Variants in CNTNAP3 observed in about 807,000 individuals in gnomAD.
CNTNAP3 encodes the protein contactin associated protein family member 3, also known as contactin-associated protein-like 3.
CNTNAP3 carries 36 observed loss-of-function variants against 92.1 expected under a neutral mutation model. That is an observed-to-expected ratio of 0.39 (90% CI 0.30 to 0.52). The LOEUF is 0.52. CNTNAP3 is among the 20% of genes least tolerant of loss of function. The pLI is 0.76. For synonymous variants in CNTNAP3, 232 were observed against 422.3 expected, an observed-to-expected ratio of 0.55 and a Z score of 5.53; for missense variants, 534 against 1,069.6, an observed-to-expected ratio of 0.50 and a Z score of 6.98.
chr9:39,135,440 C>G (rs1323923011), intron 12 of CNTNAP3, among the ~76,000 whole-genome samples: 2 of 151,916 alleles, frequency 1.3e-5, no homozygotes, highest in Non-Finnish European at 2.9e-5. Flanking sequence ...AGAGGTGTGG[C>G]TGAGTCTGAA....
intron 19 of CNTNAP3, among the ~76,000 whole-genome samples, chr9:39,087,517 C>T (rs1209015944): frequency 2.0e-5 from 3 of 151,622 alleles, no homozygotes; most frequent in East Asian, 1.9e-4. Context: ...GGTGGAGTCT[C>T]GCTCTGTCAC....
intron 18 of CNTNAP3, among the ~76,000 whole-genome samples, chr9:39,095,038 TAA>T (rs2118456208): frequency 7.1e-6 from 1 of 141,104 alleles, no homozygotes; most frequent in Non-Finnish European, 1.6e-5. Context: ...TTTCAATGTC[TAA>T]GTCTTTCACT....
At chr9:39,094,939 A>G (rs1826293050) in intron 18 of CNTNAP3, among the ~76,000 whole-genome samples, 1 of 151,576 alleles carries the variant, frequency 6.6e-6, no homozygotes, top group South Asian at 2.1e-4. Flanking sequence ...TGTCATTTTA[A>G]TAATCTTAAG....
chr9:39,076,726 T>C (rs552797157), intron 23 of CNTNAP3, among the ~76,000 whole-genome samples: 599 of 151,872 alleles, frequency 3.9e-3, no homozygotes, highest in African/African-American at 0.014. Context: ...CCTAGCACTT[T>C]GGGAGGCCAA....
chr9:39,067,150 T>C lies in CNTNAP3; in HGVS notation c.*6740A>G, dbSNP rs1176433759. On this transcript the variant is annotated 3_prime_UTR_variant, in exon 24 of 24. Coordinates refer to ENST00000297668, the MANE Select transcript of CNTNAP3 (RefSeq NM_033655.5). ...CTCATCTGCCATTAATTACATCCATTGTATTTTTTAATCTTATACATTAAC... is the reference window on the plus strand; with the variant it reads ...CTCATCTGCCATTAATTACATCCATCGTATTTTTTAATCTTATACATTAAC... Among the ~76,000 whole-genome samples the C allele has an allele frequency of 0.17, 24,460 of 145,568 alleles. 5 individuals carry two copies. Among genetic ancestry groups the C allele is most frequent in the East Asian group, 0.28 (1,378 of 4,854 alleles).
intron 13 of CNTNAP3, among the ~76,000 whole-genome samples, chr9:39,132,479 C>A (rs910923436): frequency 6.6e-6 from 1 of 151,992 alleles, no homozygotes. Context: ...GTGAAAGTGG[C>A]GGGGCTGAGG....
At chr9:39,137,643 G>A (rs1427735042) in intron 12 of CNTNAP3, among the ~76,000 whole-genome samples, 1 of 151,664 alleles carries the variant, frequency 6.6e-6, no homozygotes, top group Non-Finnish European at 1.5e-5. Context: ...CTCCCGAGTA[G>A]CTGGGACTAC....
chr9:39,105,034 A>G (rs980059971), intron 15 of CNTNAP3, among the ~76,000 whole-genome samples: 2 of 152,200 alleles, frequency 1.3e-5, no homozygotes, highest in African/African-American at 4.8e-5. Flanking sequence ...CAATATATTG[A>G]TGGCTCCTGA....
intron 15 of CNTNAP3, among the ~76,000 whole-genome samples, chr9:39,107,062 T>A (rs2117893499): frequency 6.6e-6 from 1 of 152,114 alleles, no homozygotes; most frequent in East Asian, 1.9e-4. Flanking sequence ...TGTGTCTGAT[T>A]GTGAAGAGAT....
chr9:39,141,789 C>A (rs1438155516), intron 11 of CNTNAP3, among the ~76,000 whole-genome samples: 1 of 152,048 alleles, frequency 6.6e-6, no homozygotes, highest in African/African-American at 2.4e-5. Flanking sequence ...AGGAAAGTGA[C>A]TAGAATTTGT....
intron 13 of CNTNAP3, among the ~76,000 whole-genome samples, chr9:39,121,422 C>T (rs956046628): frequency 1.3e-5 from 2 of 152,026 alleles, no homozygotes; most frequent in Non-Finnish European, 2.9e-5. Context: ...TCTGATATGA[C>T]GTTAAGAGTC....
chr9:39,089,643 T>G (rs1485755278), intron 18 of CNTNAP3, among the ~76,000 whole-genome samples: 1 of 152,176 alleles, frequency 6.6e-6, no homozygotes, highest in Non-Finnish European at 1.5e-5. Context: ...GCTGCCATAT[T>G]TTTTCCAAAA....
rs562968940 is a variant in CNTNAP3 at position 39,069,817 on chromosome 9, T to C, written c.*4073A>G. Reference sequence around the variant, plus strand: ...CCTGAGCTACATCCATTGGGAGTGATGTGAAGGAAGAGAAAAGCGTTGGAC... The same window carrying C: ...CCTGAGCTACATCCATTGGGAGTGACGTGAAGGAAGAGAAAAGCGTTGGAC... On this transcript the variant is annotated 3_prime_UTR_variant, in exon 24 of 24. Coordinates refer to ENST00000297668, the MANE Select transcript of CNTNAP3 (RefSeq NM_033655.5). Among the ~76,000 whole-genome samples, 33 of 151,992 alleles carry C rather than the reference T, an allele frequency of 2.2e-4. No homozygotes were observed. Among genetic ancestry groups the C allele is most frequent in the Middle Eastern group, 3.4e-3 (1 of 292 alleles).
intron 13 of CNTNAP3, among the ~76,000 whole-genome samples, chr9:39,119,975 T>C: frequency 6.6e-6 from 1 of 152,176 alleles, no homozygotes; most frequent in Non-Finnish European, 1.5e-5. Context: ...CATAGGGTCC[T>C]ATCAGACAAT....
chr9:39,100,495 A>G (rs1365081062), intron 17 of CNTNAP3, among the ~76,000 whole-genome samples: 1 of 152,112 alleles, frequency 6.6e-6, no homozygotes, highest in Non-Finnish European at 1.5e-5. Flanking sequence ...TTGTTTAGGA[A>G]TAAGAATGTG....
At chr9:39,149,564 G>A (rs1821790189) in intron 10 of CNTNAP3, among the ~76,000 whole-genome samples, 2 of 150,732 alleles carry the variant, frequency 1.3e-5, no homozygotes, top group South Asian at 4.2e-4. Flanking sequence ...CACCATGTTA[G>A]CCAGGATGAA....
At chr9:39,122,170 T>C (rs1164591613) in intron 13 of CNTNAP3, among the ~76,000 whole-genome samples, 3 of 151,930 alleles carry the variant, frequency 2.0e-5, no homozygotes, top group South Asian at 4.1e-4. Flanking sequence ...CTGGCTAACA[T>C]GGTGAAACCC....
intron 18 of CNTNAP3, 24 bp downstream of exon 18, chr9:39,099,887 A>G: frequency 6.2e-7 from 1 of 1,607,866 alleles, no homozygotes; most frequent in Non-Finnish European, 8.5e-7. Flanking sequence ...CTTTCCCTAT[A>G]ACCTGCTCCT....
intron 14 of CNTNAP3, among the ~76,000 whole-genome samples, chr9:39,114,462 T>C (rs1820805534): frequency 6.6e-6 from 1 of 152,122 alleles, no homozygotes. Flanking sequence ...ATCTCAGCAT[T>C]AGATAGAGTT....
Sources: allele counts gnomAD v4.1 joint callset (sites outside exome capture counted in the v4.1 genomes callset), GRCh38; gene constraint gnomAD v4.1.1; transcripts MANE v1.5; gene names NCBI Gene and HGNC (gene_info 2026-07-23, HGNC 2026-07-21).